Variants in FAM110B observed in about 807,000 individuals in gnomAD.
The protein encoded by FAM110B is protein FAM110B.
A neutral mutation model predicts 20.4 loss-of-function variants in FAM110B; 6 were observed. The ratio of observed to expected loss-of-function variants is 0.29; its 90% confidence interval spans 0.16 to 0.58. The LOEUF (loss-of-function observed/expected upper bound fraction) is 0.58. FAM110B is among the 20% of genes least tolerant of loss of function. The pLI is 0.90. For missense variants in FAM110B, 434 were observed against 498.2 expected, an observed-to-expected ratio of 0.87 and a Z score of 1.23; for synonymous variants, 226 against 214.1, an observed-to-expected ratio of 1.06 and a Z score of -0.49.
chr8:58,029,354 C>G (rs1313388200), intron 1 of FAM110B, among the ~76,000 whole-genome samples: 1 of 152,100 alleles, frequency 6.6e-6, no homozygotes, highest in Non-Finnish European at 1.5e-5. Context: ...TTAAATTTAT[C>G]TAGGTTAGAC....
At chr8:58,042,104 G>A (rs1105302) in intron 2 of FAM110B, among the ~76,000 whole-genome samples, 29,231 of 152,046 alleles carry the variant, frequency 0.19, 3,958 homozygotes, top group African/African-American at 0.38. Flanking sequence ...TTATGTGACT[G>A]TTATAATCAG....
chr8:58,118,847 T>A lies in FAM110B; in HGVS notation c.-324-27060T>A, dbSNP rs1281796438. On this transcript the variant is annotated intron_variant, in intron 3 of 3. Transcript: ENST00000519262. ...TGCCTGAAACAGGTAGCAGTCCTCATAATGATAAGTTTAAAAAGCCACTCA... is the reference window on the plus strand; with the variant it reads ...TGCCTGAAACAGGTAGCAGTCCTCAAAATGATAAGTTTAAAAAGCCACTCA... 2.0e-5 allele frequency among the ~76,000 whole-genome samples: 3 copies of A among 152,230 alleles called. No individual in the cohort carries two copies. The East Asian group carries it at 5.8e-4, about 29-fold the overall frequency.
intron 2 of FAM110B, among the ~76,000 whole-genome samples, chr8:58,059,038 A>G (rs536375035): frequency 6.6e-6 from 1 of 152,304 alleles, no homozygotes; most frequent in East Asian, 1.9e-4. Context: ...ATGGAATCCT[A>G]TAGTAACTAG....
chr8:58,000,112 A>C (rs1563492734), intron 1 of FAM110B, among the ~76,000 whole-genome samples: 5 of 152,244 alleles, frequency 3.3e-5, no homozygotes. Flanking sequence ...TGACCTCTGC[A>C]AGGTCTCTGG....
At chr8:58,032,961 T>C (rs1804998010) in intron 2 of FAM110B, among the ~76,000 whole-genome samples, 1 of 152,224 alleles carries the variant, frequency 6.6e-6, no homozygotes, top group Admixed American at 6.5e-5. Context: ...GTTTGTTACA[T>C]GAGTATATTG....
At chr8:58,125,380 A>G (rs914393789) in intron 3 of FAM110B, among the ~76,000 whole-genome samples, 1 of 152,158 alleles carries the variant, frequency 6.6e-6, no homozygotes, top group African/African-American at 2.4e-5. Context: ...AAAGAACACT[A>G]TTAATGTGTT....
chr8:58,043,026 C>T (rs555909341), intron 2 of FAM110B, among the ~76,000 whole-genome samples: 13 of 152,274 alleles, frequency 8.5e-5, no homozygotes, highest in East Asian at 1.9e-4. Flanking sequence ...GGTGGGAGTG[C>T]GATGCACCAG....
chr8:58,043,055 AG>A (rs1448452963), intron 2 of FAM110B: 1 of 152,246 alleles, frequency 6.6e-6, no homozygotes, highest in African/African-American at 2.4e-5. Flanking sequence ...TGATATTTAA[AG>A]AATATGAATG....
intron 3 of FAM110B, among the ~76,000 whole-genome samples, chr8:58,088,805 G>A (rs1402320890): frequency 1.3e-5 from 2 of 152,188 alleles, no homozygotes; most frequent in African/African-American, 4.8e-5. Flanking sequence ...TTTAATACTA[G>A]CTTTTTGATC....
Position 58,146,372 on chromosome 8 carries a change from C to T in FAM110B, c.142C>T (p.Leu48Phe), listed in dbSNP as rs769732551. ...RRQAEPNPKR[L>F]SAVERLEADK... is the part of the protein sequence containing the mutation. ...GCAGGCCGAGCCCAACCCCAAGAGGCTCAGCGCCGTGGAGAGGCTGGAGGC... is the reference window on the plus strand; with the variant it reads ...GCAGGCCGAGCCCAACCCCAAGAGGTTCAGCGCCGTGGAGAGGCTGGAGGC... The change falls in exon 4 of 4, where the codon CTC (leucine) becomes TTC (phenylalanine). Residue 48 changes from leucine to phenylalanine, a missense_variant. Transcript: ENST00000519262. The T allele has an allele frequency of 6.2e-7, 1 of 1,614,086 alleles. No individual in the cohort carries two copies. The highest frequency in any genetic ancestry group is 1.1e-5 in the South Asian group (1 of 91,086).
At chr8:58,124,281 G>A (rs1354897280) in intron 3 of FAM110B, among the ~76,000 whole-genome samples, 5 of 152,162 alleles carry the variant, frequency 3.3e-5, no homozygotes, top group African/African-American at 7.2e-5. Context: ...AGCTCTTCAC[G>A]TCCCTAATGA....
chr8:58,011,235 C>T (rs1002800818), intron 1 of FAM110B, among the ~76,000 whole-genome samples: 1 of 152,152 alleles, frequency 6.6e-6, no homozygotes, highest in African/African-American at 2.4e-5. Context: ...GGTTCAGAGC[C>T]CTGGCTGGCA....
chr8:58,026,034 T>C (rs1388250889), intron 1 of FAM110B, among the ~76,000 whole-genome samples: 1 of 152,196 alleles, frequency 6.6e-6, no homozygotes, highest in Non-Finnish European at 1.5e-5. Context: ...TCTGGCACCT[T>C]CAGCTGGGCT....
intron 1 of FAM110B, among the ~76,000 whole-genome samples, chr8:58,006,174 T>C (rs1255885705): frequency 6.6e-6 from 1 of 152,232 alleles, no homozygotes; most frequent in Non-Finnish European, 1.5e-5. Context: ...GTGCTCCTGC[T>C]TATGTGCAAT....
At chr8:58,119,393 C>T (rs1807298154) in intron 3 of FAM110B, among the ~76,000 whole-genome samples, 2 of 152,168 alleles carry the variant, frequency 1.3e-5, no homozygotes, top group African/African-American at 4.8e-5. Context: ...GACAGGCACA[C>T]CCCCGTAAGC....
chr8:58,059,323 A>T (rs1356673139), intron 2 of FAM110B, among the ~76,000 whole-genome samples: 1 of 152,224 alleles, frequency 6.6e-6, no homozygotes, highest in Admixed American at 6.5e-5. Context: ...GCTAGGTCAT[A>T]GTGTAAGGGT....
intron 3 of FAM110B, among the ~76,000 whole-genome samples, chr8:58,122,138 T>C (rs1308070340): frequency 6.6e-6 from 1 of 152,200 alleles, no homozygotes. Flanking sequence ...ATGATTATTA[T>C]CTCTTAAAAA....
intron 3 of FAM110B, among the ~76,000 whole-genome samples, chr8:58,143,475 G>C (rs1803786647): frequency 6.6e-6 from 1 of 152,238 alleles, no homozygotes. Flanking sequence ...AATACTTGCA[G>C]ATAATTGCTA....
rs559601292 is a variant in FAM110B at position 58,097,953 on chromosome 8, C to T, written c.-325+22330C>T. 1.4e-4 allele frequency among the ~76,000 whole-genome samples: 21 copies of T among 152,324 alleles called. No homozygotes were observed. In the East Asian group the frequency reaches 3.5e-3, roughly 25 times the overall value. Reference sequence around the variant, plus strand: ...GGAAGCTTTGTCCCAGAGGGGCACCCGCCAGATGCCAGCTGGAGCTCTCCT... The same window carrying T: ...GGAAGCTTTGTCCCAGAGGGGCACCTGCCAGATGCCAGCTGGAGCTCTCCT... On this transcript the variant is annotated intron_variant, in intron 3 of 3. Transcript: ENST00000519262.
Sources: gnomAD v4.1 joint callset for allele counts (sites outside exome capture counted in the v4.1 genomes callset) on GRCh38, gnomAD v4.1.1 for gene constraint, MANE v1.5 for transcripts, NCBI Gene and HGNC (gene_info 2026-07-23, HGNC 2026-07-21) for gene names.